TMPRSS4: variants seen among roughly 807,000 people sequenced by gnomAD.
TMPRSS4 encodes the protein transmembrane serine protease 4, also known as transmembrane protease serine 4.
TMPRSS4 carries 45 observed loss-of-function variants against 56.4 expected under a neutral mutation model. The observed-to-expected ratio is 0.80, with a 90% confidence interval of 0.63 to 1.02. TMPRSS4 has a LOEUF of 1.02. TMPRSS4 is among the 50% of genes least tolerant of loss of function. The probability of loss-of-function intolerance (pLI) is 0.00; values close to 1 mark genes in which losing one functional copy is unlikely to be tolerated. For synonymous variants in TMPRSS4, 205 were observed against 211.0 expected, an observed-to-expected ratio of 0.97 and a Z score of 0.25; for missense variants, 546 against 556.7, an observed-to-expected ratio of 0.98 and a Z score of 0.19.
chr11:118,106,762 G>C (rs1476867962), intron 5 of TMPRSS4: 4 of 152,332 alleles, frequency 2.6e-5, no homozygotes, highest in Non-Finnish European at 4.4e-5. Context: ...GGGATTACAG[G>C]CGTGAGCCAC....
At chr11:118,104,644 C>T in intron 4 of TMPRSS4, 47 bp from the exon 5 acceptor site, 1 of 1,613,222 alleles carries the variant, frequency 6.2e-7, no homozygotes, top group Non-Finnish European at 8.5e-7. Flanking sequence ...GGGGGATGGG[C>T]CAGTTGGGCC....
intron 5 of TMPRSS4, 125 bp from the exon 6 acceptor site, chr11:118,107,649 T>C (rs1591396212): frequency 1.4e-6 from 1 of 733,742 alleles, no homozygotes; most frequent in Non-Finnish European, 2.3e-6. Flanking sequence ...CCATCTCCAC[T>C]CCCTGGCCAC....
intron 7 of TMPRSS4, among the ~76,000 whole-genome samples, chr11:118,109,563 G>T (rs1319013030): frequency 6.6e-6 from 1 of 152,136 alleles, no homozygotes; most frequent in Non-Finnish European, 1.5e-5. Flanking sequence ...CCTCCCTGAA[G>T]TTCATTTTCC....
At chr11:118,089,943 C>CA (rs1306128690) in intron 1 of TMPRSS4, among the ~76,000 whole-genome samples, 2 of 152,170 alleles carry the variant, frequency 1.3e-5, no homozygotes, top group African/African-American at 4.8e-5. Flanking sequence ...CTCCCGGGTT[C>CA]AAGGGATTCT....
chr11:118,114,125 A>T (rs1423360864), intron 9 of TMPRSS4, among the ~76,000 whole-genome samples: 5 of 152,176 alleles, frequency 3.3e-5, no homozygotes, highest in Non-Finnish European at 5.9e-5. Flanking sequence ...TGACCACAGA[A>T]TCCTTTTTTC....
At chr11:118,100,545 T>C (rs1035525754) in intron 3 of TMPRSS4, among the ~76,000 whole-genome samples, 50 of 151,972 alleles carry the variant, frequency 3.3e-4, no homozygotes, top group African/African-American at 1.2e-3. Flanking sequence ...CTCGTGGCGG[T>C]GGAAATGCAG....
At chr11:118,086,464 T>C (rs1945563867) in intron 1 of TMPRSS4, among the ~76,000 whole-genome samples, 1 of 152,264 alleles carries the variant, frequency 6.6e-6, no homozygotes, top group African/African-American at 2.4e-5. Context: ...GAAAAAGTGC[T>C]GCTCTAATAA....
chr11:118,124,135 C>G (rs1947848294), downstream of TMPRSS4, among the ~76,000 whole-genome samples: 1 of 151,774 alleles, frequency 6.6e-6, no homozygotes, highest in Admixed American at 6.6e-5. Context: ...GCCTGTAATC[C>G]CAGCACTTTG....
chr11:118,115,203 G>T lies in TMPRSS4; in HGVS notation c.1075G>T (p.Asp359Tyr). ...CATTGACAGCACACGGTGCAATGCAGACGATGCGTACCAGGGGGAAGTCAC... is the reference window on the plus strand; with the variant it reads ...CATTGACAGCACACGGTGCAATGCATACGATGCGTACCAGGGGGAAGTCAC... The part of the protein sequence containing the change: ...QVIDSTRCNA[D>Y]DAYQGEVTEK... Residue 359 changes from aspartate to tyrosine, a missense_variant, in exon 11 of 13, where the codon GAC becomes TAC. Coordinates refer to ENST00000437212, the MANE Select transcript of TMPRSS4 (RefSeq NM_019894.4). The T allele has an allele frequency of 6.2e-7, 1 of 1,613,002 alleles. No homozygotes were observed. The highest frequency in any genetic ancestry group is 8.5e-7 in the Non-Finnish European group (1 of 1,179,844).
At position 118,113,317 on chromosome 11, in the gene TMPRSS4, A is replaced by C; in HGVS notation, c.792A>C (p.Lys264Asn). The change falls in exon 9 of 13, where the codon AAA (lysine) becomes AAC (asparagine). Residue 264 changes from lysine (K) to asparagine (N), a missense_variant. Coordinates refer to ENST00000437212, the MANE Select transcript of TMPRSS4 (RefSeq NM_019894.4). ...GGAAGGTGCGGGCAGGCTCAGACAA[A>C]CTGGGCAGCTTCCCATCCCTGGCTG... is the stretch of plus-strand genomic sequence containing the variant. ...FNWKVRAGSD[K>N]LGSFPSLAVA... 6.2e-7 allele frequency: 1 copy of C among 1,614,062 alleles called. No individual in the cohort carries two copies. The highest frequency in any genetic ancestry group is 8.5e-7 in the Non-Finnish European group (1 of 1,180,012).
chr11:118,098,908 G>A, intron 2 of TMPRSS4, 77 bp from the exon 3 acceptor site: 1 of 1,147,886 alleles, frequency 8.7e-7, no homozygotes, highest in Non-Finnish European at 1.3e-6. Context: ...CAGAAGGCAG[G>A]AGGCTGTGGA....
Position 118,099,118 on chromosome 11 carries a change from C to T in TMPRSS4, c.157+20C>T, listed in dbSNP as rs943740485. The stretch of plus-strand genomic sequence containing the variant: ...TCCTCAGTAAGTGACAGCCCGTACC[C>T]GACTTTCACCCTCTAAGTAAATGAC... On this transcript the variant is annotated intron_variant, in intron 3 of 12. Coordinates refer to ENST00000437212, the MANE Select transcript of TMPRSS4 (RefSeq NM_019894.4). 23 of 1,596,872 alleles carry T rather than the reference C, an allele frequency of 1.4e-5. No individual in the cohort carries two copies. The highest frequency in any genetic ancestry group is 6.7e-5 in the African/African-American group (5 of 74,472).
intron 6 of TMPRSS4, 106 bp from the exon 7 acceptor site, chr11:118,108,750 C>A: frequency 9.2e-7 from 1 of 1,088,046 alleles, no homozygotes; most frequent in African/African-American, 1.6e-5. Context: ...TCCACATTCC[C>A]GAGGTATTGG....
intron 4 of TMPRSS4, among the ~76,000 whole-genome samples, chr11:118,103,842 G>A (rs1946856807): frequency 6.6e-6 from 1 of 152,216 alleles, no homozygotes; most frequent in Non-Finnish European, 1.5e-5. Flanking sequence ...TGGATTTCAG[G>A]CAGAGGGCTA....
intron 12 of TMPRSS4, 137 bp from the exon 13 acceptor site, chr11:118,117,765 A>T: frequency 6.4e-7 from 1 of 1,561,156 alleles, no homozygotes; most frequent in Non-Finnish European, 8.7e-7. Flanking sequence ...GGAAAGGCTC[A>T]TGAGACCTCC....
chr11:118,113,001 A>G (rs920857759), intron 8 of TMPRSS4, among the ~76,000 whole-genome samples: 2 of 152,026 alleles, frequency 1.3e-5, no homozygotes, highest in Non-Finnish European at 2.9e-5. Context: ...CTCAGAACTC[A>G]GGCATTAGAG....
At chr11:118,078,013 C>CAAAAAAAA (rs148383275) in intron 1 of TMPRSS4, among the ~76,000 whole-genome samples, 171 of 71,008 alleles carry the variant, frequency 2.4e-3, no homozygotes, top group East Asian at 3.6e-3. Flanking sequence ...AACTCCGTCT[C>CAAAAAAAA]AAAAAAAAAA....
chr11:118,095,928 T>A (rs1425337010), intron 2 of TMPRSS4, among the ~76,000 whole-genome samples: 1 of 152,176 alleles, frequency 6.6e-6, no homozygotes, highest in Non-Finnish European at 1.5e-5. Context: ...CATAGCTCAC[T>A]GGGTTCGTTA....
At chr11:118,090,613 C>T (rs964553614) in intron 1 of TMPRSS4, among the ~76,000 whole-genome samples, 1 of 17,020 alleles carries the variant, frequency 5.9e-5, no homozygotes, top group Non-Finnish European at 9.4e-5. Context: ...CTCATCTCTA[C>T]GAAAAAAAAA....
Sources: gnomAD v4.1 joint callset for allele counts (sites outside exome capture counted in the v4.1 genomes callset) on GRCh38, gnomAD v4.1.1 for gene constraint, MANE v1.5 for transcripts, NCBI Gene and HGNC (gene_info 2026-07-23, HGNC 2026-07-21) for gene names.